Variants in PDLIM5 observed in about 807,000 individuals in gnomAD.
The protein encoded by PDLIM5 is PDZ and LIM domain protein 5.
A neutral mutation model predicts 64.2 loss-of-function variants in PDLIM5; 34 were observed. The ratio of observed to expected loss-of-function variants is 0.53; its 90% confidence interval spans 0.40 to 0.71. PDLIM5 has a LOEUF of 0.71. Ranked by LOEUF, PDLIM5 falls within the 30% of genes least tolerant of loss-of-function variation. The pLI, the probability that PDLIM5 is intolerant of heterozygous loss-of-function variation, is 0.00. For synonymous variants in PDLIM5, 253 were observed against 269.1 expected (o/e 0.94, Z 0.59); for missense variants, 683 against 733.6 (o/e 0.93, Z 0.80).
intron 12 of PDLIM5, 123 bp from the exon 13 acceptor site, chr4:94,663,855 C>G: frequency 1.2e-6 from 1 of 841,340 alleles, no homozygotes; most frequent in South Asian, 2.8e-5. Flanking sequence ...ACTTAACCAA[C>G]TAAAGTGTTT....
At chr4:94,655,669 A>G (rs552840269) in intron 10 of PDLIM5, among the ~76,000 whole-genome samples, 1 of 152,364 alleles carries the variant, frequency 6.6e-6, no homozygotes, top group Non-Finnish European at 1.5e-5. Context: ...AATAATTAAT[A>G]GAATATTCAT....
In PDLIM5 at chr4:94,665,200, A is replaced by T; in HGVS notation, c.*1133A>T. 1.1e-6 allele frequency: 1 copy of T among 907,928 alleles called. No homozygotes were observed. Among genetic ancestry groups the T allele is most frequent in the Non-Finnish European group, 1.3e-6 (1 of 759,016 alleles). 56.2% of individuals were successfully genotyped at this position (907,928 alleles called of 1,614,324 possible). A position where few individuals can be genotyped will look rare whatever the true frequency, so the allele number is the denominator to read the frequency against. ...CTCTCTCTTTAAAGAGAATAAATAG[A>T]GGGCCAGGTGTGGTGGCTCACGCCT... is the stretch of plus-strand genomic sequence containing the variant. On this transcript the variant is annotated 3_prime_UTR_variant, in exon 13 of 13. Transcript: ENST00000317968.
chr4:94,461,274 A>G (rs1723856192), intron 2 of PDLIM5, among the ~76,000 whole-genome samples: 1 of 152,246 alleles, frequency 6.6e-6, no homozygotes, highest in Non-Finnish European at 1.5e-5. Flanking sequence ...TACGTGACAT[A>G]AAATTTGACA....
At chr4:94,452,504 T>TC (rs1477795782) in intron 1 of PDLIM5, among the ~76,000 whole-genome samples, 1 of 152,206 alleles carries the variant, frequency 6.6e-6, no homozygotes, top group African/African-American at 2.4e-5. Flanking sequence ...CATTTATTTC[T>TC]CCCCCAGATA....
At chr4:94,545,317 T>A (rs970502665) in intron 3 of PDLIM5, among the ~76,000 whole-genome samples, 6 of 152,232 alleles carry the variant, frequency 3.9e-5, no homozygotes, top group African/African-American at 1.4e-4. Context: ...TATGTCAGCA[T>A]CTTTTGTTAA....
chr4:94,456,273 AC>A, intron 2 of PDLIM5: 1 of 501,538 alleles, frequency 2.0e-6, no homozygotes, highest in Non-Finnish European at 3.5e-6. Flanking sequence ...ATCTCGGCTC[AC>A]CACAACCTCC....
intron 11 of PDLIM5, 64 bp downstream of exon 11, chr4:94,657,611 T>C: frequency 8.1e-7 from 1 of 1,241,590 alleles, no homozygotes; most frequent in South Asian, 1.4e-5. Context: ...ACCCTTATAT[T>C]ACTATAAAGC....
intron 2 of PDLIM5, among the ~76,000 whole-genome samples, chr4:94,483,460 TG>T (rs1418277508): frequency 6.6e-6 from 1 of 152,176 alleles, no homozygotes; most frequent in Non-Finnish European, 1.5e-5. Context: ...TACATGTGTA[TG>T]TTTATAATTA....
chr4:94,506,102 AG>A (rs1728369758), intron 2 of PDLIM5, among the ~76,000 whole-genome samples: 1 of 152,234 alleles, frequency 6.6e-6, no homozygotes, highest in African/African-American at 2.4e-5. Flanking sequence ...CAAGGATTTT[AG>A]GAGCTGTAAG....
Position 94,558,140 on chromosome 4 carries a change from C to A in PDLIM5, c.249-15211C>A, listed in dbSNP as rs1452787952. ...AAGGGCTGTTGAATTTTGTCAAAAG[C>A]CTTTTCTGCATCTGTTGAGATAATC... is the stretch of plus-strand genomic sequence containing the variant. On this transcript the variant is annotated intron_variant, in intron 3 of 12. Transcript: ENST00000317968. 1.3e-5 allele frequency among the ~76,000 whole-genome samples: 2 copies of A among 152,216 alleles called. 1 individual carries two copies. The highest frequency in any genetic ancestry group is 4.1e-4 in the South Asian group (2 of 4,822).
chr4:94,574,320 A>G (rs1036689606), intron 4 of PDLIM5, among the ~76,000 whole-genome samples: 1 of 152,094 alleles, frequency 6.6e-6, no homozygotes, highest in Non-Finnish European at 1.5e-5. Flanking sequence ...CAACATGGTG[A>G]TACTTCATCT....
intron 2 of PDLIM5, among the ~76,000 whole-genome samples, chr4:94,472,040 T>TA (rs1048521562): frequency 2.0e-5 from 3 of 152,170 alleles, no homozygotes; most frequent in Non-Finnish European, 4.4e-5. Flanking sequence ...ATTATTGAAA[T>TA]AATATTTCTA....
intron 8 of PDLIM5, among the ~76,000 whole-genome samples, chr4:94,621,695 A>G (rs1267853353): frequency 6.6e-6 from 1 of 152,214 alleles, no homozygotes; most frequent in Non-Finnish European, 1.5e-5. Flanking sequence ...AATTACCACA[A>G]GAGGGCGATG....
intron 3 of PDLIM5, among the ~76,000 whole-genome samples, chr4:94,554,479 C>T (rs1733086178): frequency 6.6e-6 from 1 of 151,450 alleles, no homozygotes; most frequent in Non-Finnish European, 1.5e-5. Context: ...TACGTACATA[C>T]GTTCATACAT....
In PDLIM5 at chr4:94,550,500, T is replaced by C. The variant is rs985618167; in HGVS notation, c.249-22851T>C. ...AAGATGCAAGCAAACAGTGTGGCTT[T>C]GGCTAGAGCTTATCATTACTTCTCA... On this transcript the variant is annotated intron_variant, in intron 3 of 12. Transcript: ENST00000317968. Among the ~76,000 whole-genome samples the C allele has an allele frequency of 5.9e-5, 9 of 152,316 alleles. No homozygotes were observed. In the East Asian group the frequency reaches 1.7e-3, roughly 29 times the overall value.
At chr4:94,588,065 A>G (rs1736385206) in intron 7 of PDLIM5, 6 of 916,178 alleles carry the variant, frequency 6.5e-6, no homozygotes, top group African/African-American at 1.8e-5. Context: ...ATTAGAGCTA[A>G]ATTTAGTAAT....
At chr4:94,585,512 T>A in intron 5 of PDLIM5, 53 bp from the exon 6 acceptor site, 2 of 1,049,028 alleles carry the variant, frequency 1.9e-6, no homozygotes. Flanking sequence ...AGATATTTTA[T>A]CCTTTTAATA....
intron 2 of PDLIM5, among the ~76,000 whole-genome samples, chr4:94,462,553 T>G (rs1427087603): frequency 6.6e-6 from 1 of 152,128 alleles, no homozygotes; most frequent in East Asian, 1.9e-4. Context: ...GTTTTGCCCA[T>G]ATATGTATAT....
chr4:94,663,259 CA>C (rs1742883317), intron 12 of PDLIM5, among the ~76,000 whole-genome samples: 1 of 152,138 alleles, frequency 6.6e-6, no homozygotes, highest in African/African-American at 2.4e-5. Flanking sequence ...ATGATTTCCC[CA>C]AACATTACCA....
Sources: allele counts gnomAD v4.1 joint callset (sites outside exome capture counted in the v4.1 genomes callset), GRCh38; gene constraint gnomAD v4.1.1; transcripts MANE v1.5; gene names NCBI Gene and HGNC (gene_info 2026-07-23, HGNC 2026-07-21).